The following TMOD2 variants were observed in gnomAD, a reference collection of about 807,000 sequenced individuals.
The protein encoded by TMOD2 is tropomodulin 2, also known as tropomodulin-2.
A neutral mutation model predicts 39.9 loss-of-function variants in TMOD2; 22 were observed. The observed-to-expected ratio is 0.55, with a 90% CI of 0.39 to 0.79. The LOEUF (loss-of-function observed/expected upper bound fraction) is 0.79, where lower values mean the gene tolerates loss of function less well. Ranked by LOEUF, TMOD2 falls within the 30% of genes least tolerant of loss-of-function variation. TMOD2 has a pLI of 0.00. For synonymous variants in TMOD2, 123 were observed against 146.1 expected (o/e 0.84, Z 1.14); for missense variants, 386 against 413.3 (o/e 0.93, Z 0.57).
rs2056141971 is a variant in TMOD2, at chr15:51,809,460, A to G, written c.*1006A>G. On this transcript the variant is annotated 3_prime_UTR_variant, in exon 10 of 10. Coordinates refer to ENST00000249700, the MANE Select transcript of TMOD2 (RefSeq NM_014548.4). ...TTTGTCCACAGTATATGATCCATCC[A>G]GACATTTGCAAACGTCAGGAGAAAA... The G allele has an allele frequency of 2.0e-5, 3 of 152,494 alleles. No homozygotes were observed. Among genetic ancestry groups the G allele is most frequent in the African/African-American group, 7.2e-5 (3 of 41,468 alleles). 9.4% of individuals were successfully genotyped at this position (152,494 alleles called of 1,614,324 possible).
intron 8 of TMOD2, among the ~76,000 whole-genome samples, chr15:51,801,586 C>T (rs1287838037): frequency 6.6e-6 from 1 of 152,158 alleles, no homozygotes; most frequent in Non-Finnish European, 1.5e-5. Flanking sequence ...GAGAATCCAC[C>T]ACTGGGGGCA....
chr15:51,776,974 A>T lies in TMOD2; in HGVS notation c.449A>T (p.Asp150Val). The T allele has an allele frequency of 1.9e-6, 3 of 1,613,990 alleles. 1 individual carries two copies. In the South Asian group the frequency reaches 3.3e-5, roughly 18 times the overall value. ...AATTTGCTCAACAATCCAAAGTTCG[A>T]TGAAGAAACAGCCAACAATAAAGGT... ...VHNLLNNPKF[D>V]EETANNKGGK... is the part of the protein sequence containing the mutation. Residue 150 changes from aspartate to valine, a missense_variant, in exon 5 of 10, where the codon GAT becomes GTT. Coordinates refer to ENST00000249700, the MANE Select transcript of TMOD2 (RefSeq NM_014548.4).
At chr15:51,798,606 A>G (rs2056067995) in intron 8 of TMOD2, among the ~76,000 whole-genome samples, 1 of 152,212 alleles carries the variant, frequency 6.6e-6, no homozygotes, top group South Asian at 2.1e-4. Context: ...CCAGAAGAGA[A>G]AGCAAGGAGG....
chr15:51,773,705 T>C lies in TMOD2; in HGVS notation c.284-7T>C. 6.3e-7 allele frequency: 1 copy of C among 1,598,348 alleles called. No homozygotes were observed. The highest frequency in any genetic ancestry group is 8.5e-7 in the Non-Finnish European group (1 of 1,175,366). ...CTCAATATTTTTGTTTTTCTTCTGA[T>C]TTAAAGGGAGAGTCTTTATCCCTAA... On this transcript the variant is annotated splice_polypyrimidine_tract_variant and splice_region_variant and intron_variant, in intron 3 of 9. Transcript: ENST00000249700.
chr15:51,794,620 C>T lies in TMOD2; in HGVS notation c.733-3577C>T, dbSNP rs146136545. ...TCACCTGGAGAGCTCTTCAGAAATG[C>T]AGATGGCCATTCCACAGCCTCAGAG... On this transcript the variant is annotated intron_variant, in intron 7 of 9. Transcript: ENST00000249700. Among the ~76,000 whole-genome samples the T allele has an allele frequency of 3.6e-3, 545 of 152,294 alleles. 7 individuals are homozygous for T. Among genetic ancestry groups the T allele is most frequent in the African/African-American group, 0.013 (521 of 41,564 alleles).
intron 4 of TMOD2, among the ~76,000 whole-genome samples, chr15:51,774,957 C>T (rs1209682895): frequency 6.6e-6 from 1 of 151,910 alleles, no homozygotes; most frequent in Non-Finnish European, 1.5e-5. Context: ...GAGAGAGAAT[C>T]CAAATAGAAA....
At position 51,776,987 on chromosome 15, in the gene TMOD2, C is replaced by T. The variant is rs114076275; in HGVS notation, c.462C>T (p.Ala154=). ...ATCCAAAGTTCGATGAAGAAACAGC[C>T]AACAATAAAGGTGGCAAAGGACCTG... ...LNNPKFDEET[A]NNKGGKGPVR... Residue 154 remains alanine (A), a synonymous_variant, in exon 5 of 10, where the codon GCC becomes GCT. Coordinates refer to ENST00000249700, the MANE Select transcript of TMOD2 (RefSeq NM_014548.4). 4.3e-6 allele frequency: 7 copies of T among 1,613,740 alleles called. No individual in the cohort carries two copies. In the South Asian group the frequency reaches 4.4e-5, roughly 10 times the overall value.
intron 8 of TMOD2, among the ~76,000 whole-genome samples, chr15:51,805,044 C>T (rs1313067397): frequency 2.6e-5 from 4 of 151,976 alleles, no homozygotes; most frequent in East Asian, 3.9e-4. Flanking sequence ...CTGCAACCTC[C>T]GCCTCCTAGA....
chr15:51,794,661 A>T (rs2056035836), intron 7 of TMOD2, among the ~76,000 whole-genome samples: 1 of 152,234 alleles, frequency 6.6e-6, no homozygotes, highest in Non-Finnish European at 1.5e-5. Flanking sequence ...GATTTAATTC[A>T]TCTGGGGTAA....
intron 9 of TMOD2, 56 bp from the exon 10 acceptor site, chr15:51,808,364 G>T: frequency 7.1e-7 from 1 of 1,412,240 alleles, no homozygotes; most frequent in African/African-American, 1.4e-5. Flanking sequence ...TTGTTTATCT[G>T]GAATTTAAGG....
rs1446579116 is a variant in TMOD2 at position 51,808,713 on chromosome 15, G to T, written c.*259G>T. On this transcript the variant is annotated 3_prime_UTR_variant, in exon 10 of 10. Coordinates refer to ENST00000249700, the MANE Select transcript of TMOD2 (RefSeq NM_014548.4). Reference sequence around the variant, plus strand: ...GCAGATTTTAGAGAGTGACGACATGGAAAATGAATTTAACCACTTTCTTAT... The same window carrying T: ...GCAGATTTTAGAGAGTGACGACATGTAAAATGAATTTAACCACTTTCTTAT... 2 of 337,486 alleles carry T rather than the reference G, an allele frequency of 5.9e-6. No individual in the cohort carries two copies. The highest frequency in any genetic ancestry group is 9.5e-5 in the Admixed American group (2 of 21,054). The allele number at this position is 337,486 out of a possible 1,614,324, so 20.9% of individuals were successfully genotyped here. A position where few individuals can be genotyped will look rare whatever the true frequency, so the allele number is the denominator to read the frequency against.
At chr15:51,798,466 T>C in intron 8 of TMOD2, 126 bp downstream of exon 8, 2 of 1,213,624 alleles carry the variant, frequency 1.6e-6, no homozygotes, top group Non-Finnish European at 2.3e-6. Context: ...CTGGATTTCC[T>C]GTAAGTTTTA....
In TMOD2 at chr15:51,812,125, G is replaced by C. The variant is rs1372562248; in HGVS notation, c.*3671G>C. 6.7e-6 allele frequency: 1 copy of C among 150,018 alleles called. No individual in the cohort carries two copies. Among genetic ancestry groups the C allele is most frequent in the East Asian group, 2.0e-4 (1 of 5,000 alleles). 9.3% of individuals were successfully genotyped at this position (150,018 alleles called of 1,614,324 possible). ...TCCCAGCCCTGCTTCCCTCGTCCCTGTCCAAGTTGCTGCAGGCCCAGGTTA... is the reference window on the plus strand; with the variant it reads ...TCCCAGCCCTGCTTCCCTCGTCCCTCTCCAAGTTGCTGCAGGCCCAGGTTA... On this transcript the variant is annotated 3_prime_UTR_variant, in exon 10 of 10. Transcript: ENST00000249700.
chr15:51,810,250 G>A lies in TMOD2; in HGVS notation c.*1796G>A, dbSNP rs1181136312. The A allele has an allele frequency of 6.6e-6, 1 of 152,106 alleles. No homozygotes were observed. The highest frequency in any genetic ancestry group is 2.4e-5 in the African/African-American group (1 of 41,424). The allele number at this position is 152,106 out of a possible 1,614,324, so 9.4% of individuals were successfully genotyped here. On this transcript the variant is annotated 3_prime_UTR_variant, in exon 10 of 10. Transcript: ENST00000249700. ...TTTTCAAGAATTTTGCAAACTGGTT[G>A]TTCAATACAGCCATTATTTAAAATT... is the stretch of plus-strand genomic sequence containing the variant.
intron 1 of TMOD2, chr15:51,752,608 C>T (rs936677844): frequency 6.6e-6 from 1 of 152,228 alleles, no homozygotes; most frequent in Non-Finnish European, 1.5e-5. Context: ...GGGCAAGTCC[C>T]TCCACCTCTC....
chr15:51,788,488 G>T (rs544771073), intron 7 of TMOD2, among the ~76,000 whole-genome samples: 1 of 152,278 alleles, frequency 6.6e-6, no homozygotes, highest in East Asian at 1.9e-4. Flanking sequence ...ACCTAGCAAG[G>T]CAGGCCAATT....
chr15:51,808,428 A>G lies in TMOD2; in HGVS notation c.1030A>G (p.Lys344Glu). 1 of 1,612,806 alleles carries G rather than the reference A, an allele frequency of 6.2e-7. No individual in the cohort carries two copies. The change falls in exon 10 of 10, where the codon AAG becomes GAG. Residue 344 changes from lysine (K) to glutamate (E), a missense_variant. Physicochemically the swap from Lys to Glu is moderately conservative, Grantham distance 56 (BLOSUM62 1). Transcript: ENST00000249700. ...CTTTCTTTCTTACCTAGTTCGTAAG[A>G]AGAGAGTTGAAGCAGACCGAAGGTA... ...ITKNNDLVRK[K>E]RVEADRR is the part of the protein sequence containing the mutation.
rs1336939518 is a variant in TMOD2 at position 51,809,808 on chromosome 15, G to T, written c.*1354G>T. The stretch of plus-strand genomic sequence containing the variant: ...GTAATTTGTTACTAAACAAATTCCA[G>T]AATTTGTTTAGTAGCTGAGTGTTCC... On this transcript the variant is annotated 3_prime_UTR_variant, in exon 10 of 10. Transcript: ENST00000249700. The T allele has an allele frequency of 5.3e-5, 8 of 151,946 alleles. No homozygotes were observed. The highest frequency in any genetic ancestry group is 1.9e-4 in the African/African-American group (8 of 41,326). 9.4% of individuals were successfully genotyped at this position (151,946 alleles called of 1,614,324 possible).
chr15:51,760,812 A>C (rs2055775404), intron 1 of TMOD2, among the ~76,000 whole-genome samples: 1 of 121,680 alleles, frequency 8.2e-6, no homozygotes, highest in East Asian at 2.2e-4. Flanking sequence ...GTCTCAAAAA[A>C]AGAAAAAAAA....
Sources: gnomAD v4.1 joint callset for allele counts (sites outside exome capture counted in the v4.1 genomes callset) on GRCh38, gnomAD v4.1.1 for gene constraint, MANE v1.5 for transcripts, NCBI Gene and HGNC (gene_info 2026-07-23, HGNC 2026-07-21) for gene names.